Variants in MYO18B observed in about 807,000 individuals in gnomAD.
MYO18B encodes myosin XVIIIB, also known as unconventional myosin-XVIIIb.
MYO18B carries 204 observed loss-of-function variants against 273.0 expected under a neutral mutation model. The observed-to-expected ratio is 0.75, with a 90% CI of 0.67 to 0.84. MYO18B has a LOEUF of 0.84. MYO18B is among the 40% of genes least tolerant of loss of function. The pLI, the probability that MYO18B is intolerant of heterozygous loss-of-function variation, is 0.00. For synonymous variants in MYO18B, 1,330 were observed against 1,305.7 expected, an observed-to-expected ratio of 1.02 and a Z score of -0.40; for missense variants, 3,212 against 3,287.6, an observed-to-expected ratio of 0.98 and a Z score of 0.56.
intron 42 of MYO18B, among the ~76,000 whole-genome samples, chr22:26,008,486 G>A (rs763954894): frequency 2.0e-5 from 3 of 152,190 alleles, no homozygotes; most frequent in Non-Finnish European, 4.4e-5. Flanking sequence ...AAACAGAAGA[G>A]AGGGAGAAAG....
chr22:25,934,051 T>C (rs1233677042), intron 34 of MYO18B, among the ~76,000 whole-genome samples: 2 of 152,214 alleles, frequency 1.3e-5, no homozygotes, highest in Non-Finnish European at 2.9e-5. Flanking sequence ...GGAGAATATT[T>C]TTTATTCTAT....
At chr22:26,057,064 G>T in the MYO18B span, among the ~76,000 whole-genome samples, 2 of 151,918 alleles carry the variant, frequency 1.3e-5, no homozygotes, top group Admixed American at 1.3e-4. Flanking sequence ...GAGTGCAGAC[G>T]TTCAAAATAA....
At chr22:26,046,472 C>T in the MYO18B span, among the ~76,000 whole-genome samples, 2 of 152,222 alleles carry the variant, frequency 1.3e-5, no homozygotes, top group African/African-American at 4.8e-5. Flanking sequence ...ATTTCTTCAA[C>T]TTCTCCATTT....
At chr22:25,813,374 T>C (rs1047836070) in intron 12 of MYO18B, among the ~76,000 whole-genome samples, 1 of 152,046 alleles carries the variant, frequency 6.6e-6, no homozygotes, top group African/African-American at 2.4e-5. Flanking sequence ...TCTTCTCCTC[T>C]GTGCCTATTG....
rs2092208983 is a variant in MYO18B at position 25,913,854 on chromosome 22, TTTAATACAGTCGTG to T, written c.5364+2810_5364+2823del. Among the ~76,000 whole-genome samples the T allele has an allele frequency of 4.6e-5, 7 of 152,368 alleles. No homozygotes were observed. In the South Asian group the frequency reaches 1.5e-3, roughly 32 times the overall value. ...TGTCCTTAGCTTAATAAAAAATATT[TTTAATACAGTCGTG>T]TTAATCAAGCATGTTTTATGGTTTG... On this transcript the variant is annotated intron_variant, in intron 33 of 43. Coordinates refer to ENST00000335473, the MANE Select transcript of MYO18B (RefSeq NM_032608.7).
rs763661210 is a variant in MYO18B, at chr22:26,004,773, A to G, written c.6388A>G (p.Ser2130Gly). ...AGAGGGCAGCCTGCAGTCCTGGTTGAGCTGTACTCTGTCCCTGGCCACAGA... is the reference window on the plus strand; with the variant it reads ...AGAGGGCAGCCTGCAGTCCTGGTTGGGCTGTACTCTGTCCCTGGCCACAGA... ...QPEGSLQSWL[S>G]CTLSLATDTM... Residue 2130 changes from serine to glycine, a missense_variant, in exon 42 of 44, where the codon AGC becomes GGC. Physicochemically the swap from Ser to Gly is moderately conservative, Grantham distance 56. Transcript: ENST00000335473. 8.1e-6 allele frequency: 13 copies of G among 1,613,756 alleles called. No homozygotes were observed. Among genetic ancestry groups the G allele is most frequent in the African/African-American group, 1.3e-5 (1 of 74,900 alleles).
At chr22:25,837,271 G>A (rs2089933967) in intron 17 of MYO18B, among the ~76,000 whole-genome samples, 1 of 152,116 alleles carries the variant, frequency 6.6e-6, no homozygotes, top group South Asian at 2.1e-4. Context: ...GATGTCCAAG[G>A]ACTAGGTTCT....
Position 25,868,483 on chromosome 22 carries a change from C to T in MYO18B, c.3951+98C>T, listed in dbSNP as rs1380289573. On this transcript the variant is annotated intron_variant, in intron 22 of 43. Coordinates refer to ENST00000335473, the MANE Select transcript of MYO18B (RefSeq NM_032608.7). ...ACCTCAATTGTCTATTATCTCTGTACGTCTCCTTTTTCCCAAACTGAAGGT... is the reference window on the plus strand; with the variant it reads ...ACCTCAATTGTCTATTATCTCTGTATGTCTCCTTTTTCCCAAACTGAAGGT... 29 of 1,033,364 alleles carry T rather than the reference C, an allele frequency of 2.8e-5. No homozygotes were observed. In the Admixed American group the frequency reaches 4.6e-4, roughly 16 times the overall value. 64.0% of individuals were successfully genotyped at this position (1,033,364 alleles called of 1,614,324 possible).
At chr22:25,826,843 T>C (rs967262634) in intron 14 of MYO18B, among the ~76,000 whole-genome samples, 9 of 152,188 alleles carry the variant, frequency 5.9e-5, no homozygotes, top group African/African-American at 2.2e-4. Context: ...GAGGATCACC[T>C]GAGATCAGGA....
chr22:26,062,146 T>C, the MYO18B span, among the ~76,000 whole-genome samples: 1 of 152,202 alleles, frequency 6.6e-6, no homozygotes, highest in Non-Finnish European at 1.5e-5. Flanking sequence ...ATCTTTCTCT[T>C]ACCCCCTTCT....
chr22:25,780,296 G>A (rs2087086851), intron 9 of MYO18B, 98 bp downstream of exon 9: 12 of 1,400,086 alleles, frequency 8.6e-6, no homozygotes, highest in Non-Finnish European at 1.1e-5. Flanking sequence ...GGGACTCTAG[G>A]ATGTGTCTGA....
chr22:25,800,305 C>T (rs1294798394), intron 12 of MYO18B, among the ~76,000 whole-genome samples: 1 of 152,162 alleles, frequency 6.6e-6, no homozygotes, highest in Non-Finnish European at 1.5e-5. Flanking sequence ...CCAAAAACCA[C>T]CTGTACCCCC....
chr22:26,007,710 T>C (rs755621405), intron 42 of MYO18B, among the ~76,000 whole-genome samples: 4 of 152,202 alleles, frequency 2.6e-5, no homozygotes, highest in Non-Finnish European at 5.9e-5. Flanking sequence ...GCTCAGTTTA[T>C]AGATGGGAAA....
At chr22:26,004,219 C>T (rs8138733) in intron 41 of MYO18B, among the ~76,000 whole-genome samples, 18,163 of 151,990 alleles carry the variant, frequency 0.12, 1,162 homozygotes, top group Middle Eastern at 0.14. Context: ...CTGTGACGAC[C>T]CCCTCTCTTT....
At chr22:26,063,577 A>T in the MYO18B span, among the ~76,000 whole-genome samples, 1 of 152,202 alleles carries the variant, frequency 6.6e-6, no homozygotes, top group Non-Finnish European at 1.5e-5. Flanking sequence ...TTTGCACATC[A>T]GACAGGGATG....
chr22:26,027,672 G>C lies in MYO18B; in HGVS notation c.7698G>C (p.Gln2566His). The part of the protein sequence containing the change: ...DVASIMKKYL[Q>H]K ...CGAGCATAATGAAGAAATACCTCCA[G>C]AAGTAGGAACCAGTTCAGGTAAAAG... The change falls in exon 43 of 44, where the codon CAG (glutamine) becomes CAC (histidine). Residue 2566 changes from glutamine to histidine, a missense_variant. Coordinates refer to ENST00000335473, the MANE Select transcript of MYO18B (RefSeq NM_032608.7). This position sits in a 1 kb window ranked among gnomAD's most constrained non-coding sequence, Gnocchi z 4.1. 1 of 1,609,854 alleles carries C rather than the reference G, an allele frequency of 6.2e-7. No homozygotes were observed.
chr22:25,902,195 C>T (rs6004820), intron 29 of MYO18B, among the ~76,000 whole-genome samples: 3,815 of 152,024 alleles, frequency 0.025, 51 homozygotes, highest in African/African-American at 0.045. Context: ...TATTTTTATT[C>T]CTGTCCATAT....
chr22:25,867,056 C>T (rs1376157082), intron 21 of MYO18B, among the ~76,000 whole-genome samples: 2 of 152,196 alleles, frequency 1.3e-5, no homozygotes, highest in Non-Finnish European at 2.9e-5. Flanking sequence ...GAATCTGTCT[C>T]TGCCCTGTGT....
In MYO18B at chr22:25,768,617, G is replaced by A; in HGVS notation, c.701G>A (p.Gly234Asp). The change falls in exon 4 of 44, where the codon GGC becomes GAC. Residue 234 changes from glycine to aspartate, a missense_variant. Physicochemically the swap from Gly to Asp is moderately conservative, Grantham distance 94. Coordinates refer to ENST00000335473, the MANE Select transcript of MYO18B (RefSeq NM_032608.7). Reference protein sequence around the residue: ...PGQGTVALKKGEEGQSIVGKG... With the variant: ...PGQGTVALKKDEEGQSIVGKG... ...CAAGGAACTGTGGCACTGAAAAAAG[G>A]CGAGGAGGGTCAAAGCATAGTGGGG... 1 of 1,526,322 alleles carries A rather than the reference G, an allele frequency of 6.6e-7. No homozygotes were observed. The highest frequency in any genetic ancestry group is 8.8e-7 in the Non-Finnish European group (1 of 1,141,610). The allele number at this position is 1,526,322 out of a possible 1,614,324, so 94.5% of individuals were successfully genotyped here.
Sources: gnomAD v4.1 joint callset for allele counts (sites outside exome capture counted in the v4.1 genomes callset) on GRCh38, gnomAD v4.1.1 for gene constraint, Gnocchi (gnomAD v3.1) non-coding constraint, MANE v1.5 for transcripts, NCBI Gene and HGNC (gene_info 2026-07-23, HGNC 2026-07-21) for gene names.